The following MMS22L variants were observed in gnomAD, a reference collection of about 807,000 sequenced individuals.
MMS22L encodes MMS22 like, DNA repair protein.
Under a neutral mutation model 159.1 loss-of-function variants are expected in MMS22L, and 74 were observed. The observed-to-expected ratio is 0.47, with a 90% CI of 0.39 to 0.56. MMS22L has a LOEUF of 0.56. Ranked by LOEUF, MMS22L falls within the 20% of genes least tolerant of loss-of-function variation. MMS22L has a pLI of 0.00. For synonymous variants in MMS22L, 517 were observed against 506.9 expected, an observed-to-expected ratio of 1.02 and a Z score of -0.27; for missense variants, 1,351 against 1,422.1, an observed-to-expected ratio of 0.95 and a Z score of 0.80.
chr6:97,194,747 GA>G (rs1214117954), intron 14 of MMS22L, among the ~76,000 whole-genome samples: 1 of 152,152 alleles, frequency 6.6e-6, no homozygotes, highest in Non-Finnish European at 1.5e-5. Context: ...ACTCAGAGGA[GA>G]AAAACCTTTG....
At position 97,179,414 on chromosome 6, in the gene MMS22L, C is replaced by T. The variant is rs1804464502; in HGVS notation, c.2530G>A (p.Ala844Thr). 9 of 1,611,874 alleles carry T rather than the reference C, an allele frequency of 5.6e-6. No individual in the cohort carries two copies. Among genetic ancestry groups the T allele is most frequent in the Non-Finnish European group, 7.6e-6 (9 of 1,179,050 alleles). ...DLLIDKNLEE[A>T]VEKEYMKQLV... is the part of the protein sequence containing the mutation. Reference sequence around the variant, plus strand: ...AAAACGTACACTTACTTACCAACTGCCTCTTCCAGATTTTTATCTATGAGC... The same window carrying T: ...AAAACGTACACTTACTTACCAACTGTCTCTTCCAGATTTTTATCTATGAGC... The change falls in exon 17 of 25, where the codon GCA (alanine) becomes ACA (threonine). Residue 844 changes from alanine to threonine, a missense_variant. By Grantham distance (58) the Ala-to-Thr change is moderately conservative. Coordinates refer to ENST00000683635, the MANE Select transcript of MMS22L (RefSeq NM_001350599.2).
At chr6:97,206,258 T>C (rs1332422881) in intron 14 of MMS22L, among the ~76,000 whole-genome samples, 2 of 152,006 alleles carry the variant, frequency 1.3e-5, no homozygotes, top group African/African-American at 4.8e-5. Context: ...ATTTCTCTAC[T>C]TTCCTTTTCC....
intron 11 of MMS22L, among the ~76,000 whole-genome samples, chr6:97,237,607 C>T (rs961375110): frequency 6.6e-6 from 1 of 152,142 alleles, no homozygotes; most frequent in African/African-American, 2.4e-5. Flanking sequence ...ATATACGCCA[C>T]GGTGCCTGTT....
At chr6:97,208,684 G>A (rs946501250) in intron 14 of MMS22L, among the ~76,000 whole-genome samples, 3 of 151,966 alleles carry the variant, frequency 2.0e-5, no homozygotes, top group Admixed American at 2.0e-4. Flanking sequence ...TTCTGTCAAG[G>A]ATCTTATGAT....
At chr6:97,185,464 T>C (rs1337532373) in intron 15 of MMS22L, among the ~76,000 whole-genome samples, 2 of 152,314 alleles carry the variant, frequency 1.3e-5, no homozygotes, top group East Asian at 1.9e-4. Context: ...ACTGAACTGA[T>C]GCATTATTAT....
intron 14 of MMS22L, among the ~76,000 whole-genome samples, chr6:97,192,167 CGG>C (rs1805942971): frequency 1.8e-4 from 26 of 148,490 alleles, no homozygotes; most frequent in African/African-American, 6.5e-4. Context: ...AGGTGGTAGA[CGG>C]ATGGATGGAT....
At chr6:97,214,035 T>C (rs879627318) in intron 14 of MMS22L, among the ~76,000 whole-genome samples, 3 of 152,206 alleles carry the variant, frequency 2.0e-5, no homozygotes, top group Non-Finnish European at 4.4e-5. Flanking sequence ...ATCTTGAACA[T>C]ACGCTATGGC....
chr6:97,161,891 A>G, intron 22 of MMS22L, 111 bp downstream of exon 22: 4 of 986,642 alleles, frequency 4.1e-6, no homozygotes, highest in Non-Finnish European at 4.5e-6. Context: ...CCATATCAAG[A>G]GATATAAAAG....
At chr6:97,193,099 A>C (rs1291833799) in intron 14 of MMS22L, among the ~76,000 whole-genome samples, 1 of 152,242 alleles carries the variant, frequency 6.6e-6, no homozygotes. Context: ...GTAGTTATAA[A>C]GTAGTATAAC....
chr6:97,205,257 T>C (rs1470592892), intron 14 of MMS22L, among the ~76,000 whole-genome samples: 1 of 151,978 alleles, frequency 6.6e-6, no homozygotes, highest in Non-Finnish European at 1.5e-5. Flanking sequence ...ATTTTTTTTT[T>C]TAAGAGACAG....
At chr6:97,178,293 CTTCCTCCAGAACTTTAT>C in intron 18 of MMS22L, 133 bp downstream of exon 18, 1 of 546,652 alleles carries the variant, frequency 1.8e-6, no homozygotes, top group Non-Finnish European at 3.0e-6. Flanking sequence ...TCACATTTTT[CTTCCTCCAGAACTTTAT>C]AATAGCAGGC....
intron 18 of MMS22L, among the ~76,000 whole-genome samples, chr6:97,178,204 G>A (rs1322062579): frequency 6.6e-6 from 1 of 151,832 alleles, no homozygotes; most frequent in Non-Finnish European, 1.5e-5. Flanking sequence ...GCTTTTTTGT[G>A]GTATTCTTTA....
chr6:97,221,099 T>C lies in MMS22L; in HGVS notation c.2039+7795A>G, dbSNP rs553493067. 3.3e-5 allele frequency among the ~76,000 whole-genome samples: 5 copies of C among 152,254 alleles called. No individual in the cohort carries two copies. In the East Asian group the frequency reaches 9.6e-4, roughly 29 times the overall value. ...TGATGATAGCATTATCTAACATTCA[T>C]TGAACACTTACTGATATGCCAGGCA... On this transcript the variant is annotated intron_variant, in intron 14 of 24. Transcript: ENST00000683635.
intron 14 of MMS22L, among the ~76,000 whole-genome samples, chr6:97,193,615 A>G (rs569963683): frequency 5.9e-5 from 9 of 152,302 alleles, no homozygotes; most frequent in African/African-American, 1.9e-4. Flanking sequence ...AATTATCTGT[A>G]TATCTTTCTA....
intron 14 of MMS22L, among the ~76,000 whole-genome samples, chr6:97,188,508 G>A (rs997266168): frequency 3.3e-5 from 5 of 152,120 alleles, no homozygotes; most frequent in African/African-American, 1.2e-4. Flanking sequence ...GCTAACAGTA[G>A]GAAAGCTAAA....
intron 14 of MMS22L, among the ~76,000 whole-genome samples, chr6:97,197,126 A>C (rs796928370): frequency 2.1e-4 from 32 of 152,292 alleles, no homozygotes; most frequent in African/African-American, 6.0e-4. Flanking sequence ...AGATGCCTTC[A>C]AGGAAATGGT....
intron 11 of MMS22L, among the ~76,000 whole-genome samples, chr6:97,241,371 T>A (rs1433964120): frequency 6.6e-6 from 1 of 152,248 alleles, no homozygotes; most frequent in Non-Finnish European, 1.5e-5. Context: ...CTCTAAGGAA[T>A]ATCCATAATG....
intron 14 of MMS22L, among the ~76,000 whole-genome samples, chr6:97,202,333 T>G (rs1181858459): frequency 6.6e-6 from 1 of 152,186 alleles, no homozygotes; most frequent in Non-Finnish European, 1.5e-5. Flanking sequence ...TGGCAACCTC[T>G]CTATCCACTT....
In MMS22L at chr6:97,181,984, T is replaced by G; in HGVS notation, c.2304A>C (p.Ser768=). Residue 768 remains serine, a synonymous_variant, in exon 16 of 25, where the codon TCA becomes TCC. Transcript: ENST00000683635. ...CATCCCAACCAAAAAGTTGAATAAT[T>G]GATATAACTGGCTGAGGCTGAAAAT... ...PSDFQPQPVI[S]IIQLFGWDDI... The G allele has an allele frequency of 1.4e-5, 23 of 1,613,852 alleles. No homozygotes were observed. The highest frequency in any genetic ancestry group is 1.9e-5 in the Non-Finnish European group (22 of 1,179,818).
Sources: allele counts gnomAD v4.1 joint callset (sites outside exome capture counted in the v4.1 genomes callset), GRCh38; gene constraint gnomAD v4.1.1; transcripts MANE v1.5; gene names NCBI Gene and HGNC (gene_info 2026-07-23, HGNC 2026-07-21).